NTM: variants seen among roughly 807,000 people sequenced by gnomAD.
NTM encodes the protein IgLON family member 2.
In NTM, 13 loss-of-function variants were observed where a neutral mutation model predicts 42.1. That is an observed-to-expected ratio of 0.31 (90% CI 0.20 to 0.49). The LOEUF is 0.49. Ranked by LOEUF, NTM falls within the 20% of genes least tolerant of loss-of-function variation. NTM has a pLI of 0.99. For missense variants in NTM, 373 were observed against 452.8 expected, an observed-to-expected ratio of 0.82 and a Z score of 1.60; for synonymous variants, 187 against 179.2, an observed-to-expected ratio of 1.04 and a Z score of -0.35.
At chr11:132,148,338 A>T (rs1018208925) in intron 3 of NTM, among the ~76,000 whole-genome samples, 3 of 152,104 alleles carry the variant, frequency 2.0e-5, no homozygotes, top group African/African-American at 7.2e-5. Flanking sequence ...GAGGCCAAAA[A>T]TGCTTGAGAA....
chr11:131,826,716 C>T (rs959352123), intron 1 of NTM, among the ~76,000 whole-genome samples: 5 of 151,936 alleles, frequency 3.3e-5, no homozygotes, highest in Non-Finnish European at 7.4e-5. Flanking sequence ...GGACAAGAAC[C>T]AGGGTGGTTA....
chr11:131,591,973 G>A (rs1018229313), intron 1 of NTM, among the ~76,000 whole-genome samples: 1 of 152,188 alleles, frequency 6.6e-6, no homozygotes, highest in African/African-American at 2.4e-5. Flanking sequence ...CTCACCTGCT[G>A]GAAATCAGTC....
At chr11:131,595,953 T>A (rs1049729532) in intron 1 of NTM, among the ~76,000 whole-genome samples, 4 of 152,262 alleles carry the variant, frequency 2.6e-5, no homozygotes, top group African/African-American at 9.6e-5. Context: ...CTGGATTGAT[T>A]GACATGCTTT....
chr11:131,938,655 A>AG (rs1215209304), intron 2 of NTM, among the ~76,000 whole-genome samples: 2 of 152,194 alleles, frequency 1.3e-5, no homozygotes, highest in African/African-American at 4.8e-5. Context: ...TGGGTGGGGC[A>AG]GGGTGACAAG....
chr11:131,777,072 A>G, intron 1 of NTM: 1 of 953,266 alleles, frequency 1.0e-6, no homozygotes, highest in Non-Finnish European at 1.2e-6. Context: ...CCATACATAG[A>G]AAAGGTGTTG....
chr11:131,884,832 G>A (rs1461051349), intron 1 of NTM, among the ~76,000 whole-genome samples: 4 of 152,196 alleles, frequency 2.6e-5, no homozygotes, highest in Admixed American at 6.5e-5. Flanking sequence ...AGGCTCTTTT[G>A]TAGAATACAA....
At position 131,984,955 on chromosome 11, in the gene NTM, G is replaced by A. The variant is rs542724227; in HGVS notation, c.167+73307G>A. Among the ~76,000 whole-genome samples, 155 of 152,234 alleles carry A rather than the reference G, an allele frequency of 1.0e-3. 3 individuals are homozygous for A. The highest frequency in any genetic ancestry group is 8.5e-3 in the Admixed American group (130 of 15,294). On this transcript the variant is annotated intron_variant, in intron 2 of 8. Transcript: ENST00000683400. ...CGAAGGTGAGGCCTTTCGTCAAATC[G>A]TTAAGTAATATTGAGCCTTTGCTGC...
intron 1 of NTM, among the ~76,000 whole-genome samples, chr11:131,548,392 T>A (rs553512719): frequency 2.0e-5 from 3 of 152,332 alleles, no homozygotes; most frequent in African/African-American, 4.8e-5. Flanking sequence ...TTATTATTTT[T>A]TTAAAAAGCC....
chr11:132,243,261 A>G (rs2090520279), intron 4 of NTM, among the ~76,000 whole-genome samples: 1 of 152,264 alleles, frequency 6.6e-6, no homozygotes, highest in Non-Finnish European at 1.5e-5. Context: ...GTAAGAAGTC[A>G]GTAAACTTTG....
At chr11:131,993,578 A>G (rs2067408513) in intron 2 of NTM, among the ~76,000 whole-genome samples, 1 of 152,194 alleles carries the variant, frequency 6.6e-6, no homozygotes, top group Admixed American at 6.5e-5. Flanking sequence ...ATTGTTTGCA[A>G]ATGATAGATG....
chr11:132,263,933 TAAG>T (rs1242926106), intron 4 of NTM, among the ~76,000 whole-genome samples: 2 of 152,376 alleles, frequency 1.3e-5, no homozygotes, highest in Non-Finnish European at 2.9e-5. Context: ...TGGCATTCTC[TAAG>T]AAGATGGAAG....
At chr11:131,771,097 C>A (rs1345885313) in intron 1 of NTM, 1 of 152,042 alleles carries the variant, frequency 6.6e-6, no homozygotes, top group Non-Finnish European at 1.5e-5. Flanking sequence ...AATGCAAACA[C>A]CACAACCGTA....
intron 1 of NTM, among the ~76,000 whole-genome samples, chr11:131,776,752 T>G (rs1009575739): frequency 2.0e-5 from 3 of 152,178 alleles, no homozygotes; most frequent in Admixed American, 2.0e-4. Flanking sequence ...CAAGAAAAGA[T>G]AGATTTCCGC....
intron 1 of NTM, among the ~76,000 whole-genome samples, chr11:131,889,412 G>A (rs542095587): frequency 2.6e-5 from 4 of 152,250 alleles, no homozygotes; most frequent in South Asian, 4.1e-4. Context: ...CACACATCAC[G>A]CCTGAGTGCA....
intron 1 of NTM, among the ~76,000 whole-genome samples, chr11:131,896,512 T>C (rs1344555642): frequency 6.6e-6 from 1 of 152,088 alleles, no homozygotes; most frequent in Non-Finnish European, 1.5e-5. Context: ...ACATTCCCAC[T>C]GAGTACGTGA....
chr11:131,400,434 G>A (rs987989818), intron 1 of NTM, among the ~76,000 whole-genome samples: 7 of 152,166 alleles, frequency 4.6e-5, no homozygotes, highest in Admixed American at 1.3e-4. Context: ...AATTCCTGGA[G>A]TGTTGGTCAA....
At chr11:131,688,599 C>A (rs897001297) in intron 1 of NTM, among the ~76,000 whole-genome samples, 1 of 152,236 alleles carries the variant, frequency 6.6e-6, no homozygotes, top group African/African-American at 2.4e-5. Flanking sequence ...GTTGCTCTTG[C>A]CCTGCGGCAG....
At chr11:131,757,434 T>G (rs2083488568) in intron 1 of NTM, among the ~76,000 whole-genome samples, 1 of 152,188 alleles carries the variant, frequency 6.6e-6, no homozygotes, top group African/African-American at 2.4e-5. Flanking sequence ...CCCAAGGGGT[T>G]TTAACCTGTC....
chr11:131,424,967 C>T (rs1947973289), intron 1 of NTM, among the ~76,000 whole-genome samples: 1 of 151,110 alleles, frequency 6.6e-6, no homozygotes, highest in Non-Finnish European at 1.5e-5. Context: ...GAAACCTCCG[C>T]CTCCTGGGTT....
Sources: allele counts gnomAD v4.1 joint callset (sites outside exome capture counted in the v4.1 genomes callset), GRCh38; gene constraint gnomAD v4.1.1; transcripts MANE v1.5; gene names NCBI Gene and HGNC (gene_info 2026-07-23, HGNC 2026-07-21).